Variants in VWC2 observed in about 807,000 individuals in gnomAD.
The protein encoded by VWC2 is von Willebrand factor C domain containing 2.
Under a neutral mutation model 29.8 loss-of-function variants are expected in VWC2, and 14 were observed. The ratio of observed to expected loss-of-function variants is 0.47; its 90% confidence interval spans 0.31 to 0.74. The LOEUF is 0.74. Ranked by LOEUF, VWC2 falls within the 30% of genes least tolerant of loss-of-function variation. The pLI is 0.05. For missense variants in VWC2, 457 were observed against 459.8 expected, an observed-to-expected ratio of 0.99 and a Z score of 0.05; for synonymous variants, 213 against 199.0, an observed-to-expected ratio of 1.07 and a Z score of -0.59.
intron 3 of VWC2, among the ~76,000 whole-genome samples, chr7:49,881,416 A>C (rs6977361): frequency 0.71 from 107,502 of 152,006 alleles, 38,498 homozygotes; most frequent in East Asian, 0.88. Context: ...TGAATGATTT[A>C]ATAGAAAGTT....
intron 3 of VWC2, among the ~76,000 whole-genome samples, chr7:49,813,691 C>T (rs542956509): frequency 2.6e-5 from 4 of 152,208 alleles, no homozygotes; most frequent in East Asian, 1.9e-4. Context: ...AATATATTAA[C>T]GTGCAATAAT....
At chr7:49,895,814 T>C (rs897452261) in intron 3 of VWC2, among the ~76,000 whole-genome samples, 1 of 152,196 alleles carries the variant, frequency 6.6e-6, no homozygotes, top group African/African-American at 2.4e-5. Context: ...CAATGTTAAT[T>C]AATTAAGATT....
At chr7:49,862,946 C>A (rs1250083443) in intron 3 of VWC2, among the ~76,000 whole-genome samples, 2 of 152,176 alleles carry the variant, frequency 1.3e-5, no homozygotes, top group Non-Finnish European at 2.9e-5. Context: ...ATGTCTCAAT[C>A]TGGCTTTGGT....
intron 3 of VWC2, among the ~76,000 whole-genome samples, chr7:49,815,400 T>C (rs1789113069): frequency 1.3e-5 from 2 of 152,216 alleles, no homozygotes; most frequent in Admixed American, 6.5e-5. Context: ...TCTTAGGATA[T>C]TTTATGACTC....
intron 3 of VWC2, among the ~76,000 whole-genome samples, chr7:49,824,343 C>T (rs886119233): frequency 6.6e-6 from 1 of 152,156 alleles, no homozygotes; most frequent in Non-Finnish European, 1.5e-5. Flanking sequence ...TACCTTTTTC[C>T]TATTGAATTA....
chr7:49,870,317 G>A (rs1290067056), intron 3 of VWC2, among the ~76,000 whole-genome samples: 4 of 152,066 alleles, frequency 2.6e-5, no homozygotes, highest in South Asian at 2.1e-4. Context: ...GGAGAATGGC[G>A]TGAACCCAGG....
chr7:49,774,748 G>T (rs1335796959), intron 1 of VWC2, among the ~76,000 whole-genome samples: 3 of 152,230 alleles, frequency 2.0e-5, no homozygotes, highest in Admixed American at 2.0e-4. Flanking sequence ...TAGAGAGCGG[G>T]GAGGGGGCGT....
chr7:49,837,408 AG>A (rs1789688321), intron 3 of VWC2, among the ~76,000 whole-genome samples: 1 of 152,222 alleles, frequency 6.6e-6, no homozygotes, highest in South Asian at 2.1e-4. Flanking sequence ...CTACTGTGTC[AG>A]GCAATAGTAT....
intron 3 of VWC2, among the ~76,000 whole-genome samples, chr7:49,821,071 GTAAC>G: frequency 6.6e-6 from 1 of 152,138 alleles, no homozygotes; most frequent in Middle Eastern, 3.4e-3. Context: ...CACAACAAAA[GTAAC>G]TAACTCATTC....
chr7:49,788,979 ATG>A (rs796679474), intron 2 of VWC2, among the ~76,000 whole-genome samples: 18 of 133,186 alleles, frequency 1.4e-4, no homozygotes, highest in African/African-American at 3.5e-4. Flanking sequence ...GTGTGTGAGC[ATG>A]TGTGTGTGAG....
intron 3 of VWC2, among the ~76,000 whole-genome samples, chr7:49,827,354 C>A (rs7785607): frequency 0.8 from 117,394 of 146,188 alleles, 45,584 homozygotes; most frequent in South Asian, 0.85. Context: ...GACATACTTT[C>A]AAATTTTTTT....
At chr7:49,829,371 T>C (rs952371341) in intron 3 of VWC2, among the ~76,000 whole-genome samples, 21 of 152,226 alleles carry the variant, frequency 1.4e-4, no homozygotes, top group African/African-American at 5.1e-4. Flanking sequence ...TTCTAGGGAG[T>C]TCCTTGTTCT....
rs1185724761 is a variant in VWC2, at chr7:49,775,347, G to C, written c.-89G>C. 1.8e-6 allele frequency: 2 copies of C among 1,082,406 alleles called. No homozygotes were observed. Among genetic ancestry groups the C allele is most frequent in the African/African-American group, 1.7e-5 (1 of 59,732 alleles). The allele number at this position is 1,082,406 out of a possible 1,614,324, so 67.1% of individuals were successfully genotyped here. A position where few individuals can be genotyped will look rare whatever the true frequency, so the allele number is the denominator to read the frequency against. Reference sequence around the variant, plus strand: ...TCTCTCCGCAGGGACGGCGGCTCCCGGCTGGCGGCGGCGCGCCCCCGGGCT... The same window carrying C: ...TCTCTCCGCAGGGACGGCGGCTCCCCGCTGGCGGCGGCGCGCCCCCGGGCT... On this transcript the variant is annotated 5_prime_UTR_variant, in exon 2 of 4. Coordinates refer to ENST00000340652, the MANE Select transcript of VWC2 (RefSeq NM_198570.5).
At chr7:49,850,862 T>C (rs988325261) in intron 3 of VWC2, among the ~76,000 whole-genome samples, 1 of 152,228 alleles carries the variant, frequency 6.6e-6, no homozygotes, top group African/African-American at 2.4e-5. Context: ...CTGGCCATAG[T>C]GGACACCGCA....
At chr7:49,853,081 G>A (rs1157941216) in intron 3 of VWC2, among the ~76,000 whole-genome samples, 2 of 152,256 alleles carry the variant, frequency 1.3e-5, no homozygotes, top group Non-Finnish European at 2.9e-5. Flanking sequence ...AGCATGCCCA[G>A]CTCTTGCTGC....
At chr7:49,843,428 G>A (rs922505366) in intron 3 of VWC2, among the ~76,000 whole-genome samples, 2 of 152,144 alleles carry the variant, frequency 1.3e-5, no homozygotes. Flanking sequence ...TTGTTTATAT[G>A]TGCCAATTTC....
chr7:49,816,503 G>C (rs1789148824), intron 3 of VWC2, among the ~76,000 whole-genome samples: 1 of 152,120 alleles, frequency 6.6e-6, no homozygotes, highest in Admixed American at 6.5e-5. Flanking sequence ...TTCTGATTTG[G>C]GTAATGACAA....
At chr7:49,867,295 T>G (rs1188320161) in intron 3 of VWC2, among the ~76,000 whole-genome samples, 1 of 152,160 alleles carries the variant, frequency 6.6e-6, no homozygotes, top group African/African-American at 2.4e-5. Context: ...TTTTCATTCC[T>G]GAAGATTGCC....
At chr7:49,906,485 G>A (rs540959363) in intron 3 of VWC2, among the ~76,000 whole-genome samples, 3 of 151,986 alleles carry the variant, frequency 2.0e-5, no homozygotes, top group South Asian at 4.2e-4. Flanking sequence ...ACAGGCACCC[G>A]CCACCACACC....
Sources: gnomAD v4.1 joint callset for allele counts (sites outside exome capture counted in the v4.1 genomes callset) on GRCh38, gnomAD v4.1.1 for gene constraint, MANE v1.5 for transcripts, NCBI Gene and HGNC (gene_info 2026-07-23, HGNC 2026-07-21) for gene names.